Variants in PSME4 observed in about 807,000 individuals in gnomAD.
PSME4 encodes the protein proteasome activator subunit 4.
A neutral mutation model predicts 253.9 loss-of-function variants in PSME4; 89 were observed. The observed-to-expected ratio is 0.35, with a 90% CI of 0.30 to 0.42. PSME4 has a LOEUF of 0.42. PSME4 is among the 10% of genes least tolerant of loss of function. The pLI is 1.00. For synonymous variants in PSME4, 851 were observed against 759.2 expected (o/e 1.12, Z -1.99); for missense variants, 2,014 against 2,195.2 (o/e 0.92, Z 1.65).
intron 8 of PSME4, among the ~76,000 whole-genome samples, chr2:53,934,003 G>A (rs570222623): frequency 2.6e-5 from 4 of 152,218 alleles, no homozygotes; most frequent in East Asian, 1.9e-4. Context: ...ACAAGCTAAC[G>A]TGTAAAACAG....
At chr2:53,963,402 C>T (rs1670579294) in intron 1 of PSME4, among the ~76,000 whole-genome samples, 1 of 152,124 alleles carries the variant, frequency 6.6e-6, no homozygotes, top group Admixed American at 6.5e-5. Context: ...GCTGATACAT[C>T]CCAAACGCCA....
At chr2:53,876,833 T>C (rs1428891293) in intron 41 of PSME4, among the ~76,000 whole-genome samples, 1 of 147,756 alleles carries the variant, frequency 6.8e-6, no homozygotes, top group East Asian at 2.1e-4. Context: ...TCCTCCCACC[T>C]CAGCCTTCTG....
At chr2:53,878,919 TG>T (rs1679255757) in intron 41 of PSME4, among the ~76,000 whole-genome samples, 1 of 152,222 alleles carries the variant, frequency 6.6e-6, no homozygotes, top group African/African-American at 2.4e-5. Flanking sequence ...ACGCGATCTC[TG>T]TGACCCACAC....
At position 53,956,358 on chromosome 2, in the gene PSME4, G is replaced by A. The variant is rs147508351; in HGVS notation, c.243-7075C>T. Reference sequence around the variant, plus strand: ...AGCCTCGTCAACACGGTGAAACCCCGTCTCTACTAAAAATACAAAAAATTA... The same window carrying A: ...AGCCTCGTCAACACGGTGAAACCCCATCTCTACTAAAAATACAAAAAATTA... On this transcript the variant is annotated intron_variant, in intron 1 of 46. Coordinates refer to ENST00000404125, the MANE Select transcript of PSME4 (RefSeq NM_014614.3). Among the ~76,000 whole-genome samples, 247 of 151,516 alleles carry A rather than the reference G, an allele frequency of 1.6e-3. 1 individual carries two copies. In the East Asian group the frequency reaches 0.046, roughly 28 times the overall value.
At chr2:53,916,082 A>T (rs1413749356) in intron 20 of PSME4, among the ~76,000 whole-genome samples, 1 of 152,002 alleles carries the variant, frequency 6.6e-6, no homozygotes, top group East Asian at 1.9e-4. Flanking sequence ...CCTCAAAAAA[A>T]ATTAAAATAC....
chr2:53,907,367 T>C (rs1680707981), intron 24 of PSME4, among the ~76,000 whole-genome samples: 1 of 152,160 alleles, frequency 6.6e-6, no homozygotes, highest in Non-Finnish European at 1.5e-5. Context: ...GCTCAAAGAC[T>C]CTTCTTCTTT....
chr2:53,867,009 C>T, intron 44 of PSME4, 129 bp from the exon 45 acceptor site: 2 of 823,024 alleles, frequency 2.4e-6, no homozygotes, highest in South Asian at 4.1e-5. Context: ...AATGAATCTA[C>T]ATGTAAACAC....
rs1558697820 is a variant in PSME4, at chr2:53,933,374, T to TAAAAAAAAA, written c.958-615_958-614insTTTTTTTTT. On this transcript the variant is annotated intron_variant, in intron 8 of 46. Transcript: ENST00000404125. ...GCCTGGGCGATAGAGCGAGACCATC[T>TAAAAAAAAA]CAAAAAAAAAAAAAAAAAAAAAAAA... Among the ~76,000 whole-genome samples the TAAAAAAAAA allele has an allele frequency of 1.7e-4, 4 of 23,786 alleles. No homozygotes were observed. The African/African-American group carries it at 2.8e-3, about 17-fold the overall frequency. 15.6% of individuals were successfully genotyped at this position (23,786 alleles called of 152,430 possible).
In PSME4 at chr2:53,925,705, A is replaced by G. The variant is rs1378066248; in HGVS notation, c.1659-16T>C. On this transcript the variant is annotated splice_polypyrimidine_tract_variant and intron_variant, in intron 13 of 46. Transcript: ENST00000404125. ...TCCAAAACATCTAAATAATCCAAAC[A>G]AAGCATAATTTCAGCAACTAAAATC... The G allele has an allele frequency of 6.3e-7, 1 of 1,590,728 alleles. No homozygotes were observed. Among genetic ancestry groups the G allele is most frequent in the Non-Finnish European group, 8.6e-7 (1 of 1,161,918 alleles).
rs1222192738 is a variant in PSME4 at position 53,970,460 on chromosome 2, C to T, written c.242+83G>A. 3 of 1,538,814 alleles carry T rather than the reference C, an allele frequency of 1.9e-6. No individual in the cohort carries two copies. In the East Asian group the frequency reaches 7.3e-5, roughly 38 times the overall value. On this transcript the variant is annotated intron_variant, in intron 1 of 46. Transcript: ENST00000404125. ...GCGAGGACAGAGCTAAGGGTCCAGC[C>T]CTCTGGACAAAGAGCAACCATCCCC...
At chr2:53,955,960 T>C (rs1158745832) in intron 1 of PSME4, among the ~76,000 whole-genome samples, 1 of 151,906 alleles carries the variant, frequency 6.6e-6, no homozygotes, top group East Asian at 1.9e-4. Context: ...AAAAAGTAGA[T>C]ACCATAAAAT....
At position 53,919,209 on chromosome 2, in the gene PSME4, A is replaced by G. The variant is rs1389988611; in HGVS notation, c.2458T>C (p.Cys820Arg). 1 of 1,611,594 alleles carries G rather than the reference A, an allele frequency of 6.2e-7. No individual in the cohort carries two copies. Among genetic ancestry groups the G allele is most frequent in the Non-Finnish European group, 8.5e-7 (1 of 1,179,158 alleles). Reference sequence around the variant, plus strand: ...AGGAGGTTTCCAGAGCCAATTAAACAGTTGTGCACTATAGTCAGACTCTGT... The same window carrying G: ...AGGAGGTTTCCAGAGCCAATTAAACGGTTGTGCACTATAGTCAGACTCTGT... ...ILQSLTIVHN[C>R]LIGSGNLLPP... The change falls in exon 20 of 47, where the codon TGT becomes CGT. Residue 820 changes from cysteine to arginine, a missense_variant. By Grantham distance (180) the Cys-to-Arg change is radical (BLOSUM62 -3). Coordinates refer to ENST00000404125, the MANE Select transcript of PSME4 (RefSeq NM_014614.3).
In PSME4 at chr2:53,866,080, C is replaced by T. The variant is rs1347760852; in HGVS notation, c.*4+5G>A. The T allele has an allele frequency of 6.2e-7, 1 of 1,604,526 alleles. No homozygotes were observed. Among genetic ancestry groups the T allele is most frequent in the African/African-American group, 1.3e-5 (1 of 74,468 alleles). ...CAATGTAAATTCAGAACTTTGCTGA[C>T]TTACCTTTCTATGCATAATAGCATG... is the stretch of plus-strand genomic sequence containing the variant. On this transcript the variant is annotated splice_donor_5th_base_variant and intron_variant, in intron 46 of 46. Transcript: ENST00000404125.
chr2:53,911,584 C>T (rs2104443894), intron 20 of PSME4, among the ~76,000 whole-genome samples: 1 of 152,104 alleles, frequency 6.6e-6, no homozygotes. Flanking sequence ...AGAGAGTTCC[C>T]ACCCTCCCCC....
chr2:53,929,023 G>C (rs1042935137), intron 10 of PSME4, among the ~76,000 whole-genome samples: 3 of 152,026 alleles, frequency 2.0e-5, no homozygotes, highest in African/African-American at 4.8e-5. Context: ...AAAATTGGCG[G>C]GGTGTGGTGG....
chr2:53,970,702 G>A lies in PSME4; in HGVS notation c.83C>T (p.Pro28Leu), dbSNP rs927074864. The A allele has an allele frequency of 1.3e-6, 2 of 1,549,228 alleles. No individual in the cohort carries two copies. The highest frequency in any genetic ancestry group is 1.4e-5 in the African/African-American group (1 of 73,144). Reference sequence around the variant, plus strand: ...CTTGTTGTAGACGATCTCCTTCTGCGGGACGAAGCCCCGCGGGCCCGGCTC... The same window carrying A: ...CTTGTTGTAGACGATCTCCTTCTGCAGGACGAAGCCCCGCGGGCCCGGCTC... ...RPEPGPRGFV[P>L]QKEIVYNKLL... is the part of the protein sequence containing the mutation. Residue 28 changes from proline (P) to leucine (L), a missense_variant, in exon 1 of 47, where the codon CCG becomes CTG. Transcript: ENST00000404125.
chr2:53,883,387 C>A (rs1325928945), intron 41 of PSME4, among the ~76,000 whole-genome samples: 1 of 152,168 alleles, frequency 6.6e-6, no homozygotes, highest in Non-Finnish European at 1.5e-5. Context: ...GTAGTCCCAG[C>A]TACTCAGGGG....
chr2:53,897,956 G>A lies in PSME4; in HGVS notation c.3520C>T (p.Leu1174=). Residue 1174 remains leucine (L), a synonymous_variant, in exon 31 of 47, where the codon CTG becomes TTG. Coordinates refer to ENST00000404125, the MANE Select transcript of PSME4 (RefSeq NM_014614.3). ...EHIGIGLLSL[L]LRDDRVLPLR... ...GGCAACACTCGGTCATCTCTCAGCA[G>A]TAGAGACAGAAGCCCAATGCCTATA... 6.2e-7 allele frequency: 1 copy of A among 1,613,234 alleles called. No homozygotes were observed. The highest frequency in any genetic ancestry group is 8.5e-7 in the Non-Finnish European group (1 of 1,179,240).
chr2:53,959,416 A>C (rs1670381116), intron 1 of PSME4, among the ~76,000 whole-genome samples: 2 of 152,130 alleles, frequency 1.3e-5, no homozygotes, highest in South Asian at 2.1e-4. Context: ...GCTAGGGCTA[A>C]ATGACAAATA....
Sources: gnomAD v4.1 joint callset for allele counts (sites outside exome capture counted in the v4.1 genomes callset) on GRCh38, gnomAD v4.1.1 for gene constraint, MANE v1.5 for transcripts, NCBI Gene and HGNC (gene_info 2026-07-23, HGNC 2026-07-21) for gene names.